Variants in GNG7 observed in about 807,000 individuals in gnomAD.
The protein encoded by GNG7 is G protein subunit gamma 7.
Under a neutral mutation model 4.0 loss-of-function variants are expected in GNG7, and 1 was observed. The ratio of observed to expected loss-of-function variants is 0.25; its 90% CI spans 0.09 to 1.18. The LOEUF (loss-of-function observed/expected upper bound fraction) is 1.18, where lower values mean the gene tolerates loss of function less well. GNG7 is among the 50% of genes most tolerant of loss of function. The pLI is 0.50. For synonymous variants in GNG7, 34 were observed against 36.9 expected (o/e 0.92, Z 0.29); for missense variants, 86 against 91.9 (o/e 0.94, Z 0.26).
chr19:2,665,060 T>C (rs564413382), intron 1 of GNG7, among the ~76,000 whole-genome samples: 2 of 151,518 alleles, frequency 1.3e-5, no homozygotes, highest in South Asian at 4.2e-4. Flanking sequence ...ACACCTTTAG[T>C]TGGGGGGAGG....
At chr19:2,558,273 G>C (rs893824489) in intron 2 of GNG7, among the ~76,000 whole-genome samples, 7 of 149,604 alleles carry the variant, frequency 4.7e-5, no homozygotes, top group African/African-American at 1.7e-4. Context: ...GATAGGGTCT[G>C]TTACCCAGGC....
intron 1 of GNG7, among the ~76,000 whole-genome samples, chr19:2,698,853 A>G (rs1177751384): frequency 6.6e-6 from 1 of 152,182 alleles, no homozygotes; most frequent in Non-Finnish European, 1.5e-5. Context: ...ATTTGTGTTT[A>G]GTTCTCTTTG....
intron 1 of GNG7, among the ~76,000 whole-genome samples, chr19:2,650,125 C>T (rs1471734728): frequency 6.6e-6 from 1 of 151,132 alleles, no homozygotes. Context: ...ACAATCGGCT[C>T]GTTCCTTCTT....
chr19:2,667,224 A>G (rs906303510), intron 1 of GNG7, among the ~76,000 whole-genome samples: 11 of 152,194 alleles, frequency 7.2e-5, no homozygotes, highest in Admixed American at 6.5e-5. Flanking sequence ...TGGGAGGCTG[A>G]GGCGGCAGAA....
rs1264642555 is a variant in GNG7, at chr19:2,570,350, G to T, written c.-77-15162C>A. Among the ~76,000 whole-genome samples, 4 of 152,244 alleles carry T rather than the reference G, an allele frequency of 2.6e-5. No individual in the cohort carries two copies. The East Asian group carries it at 5.8e-4, about 22-fold the overall frequency. On this transcript the variant is annotated intron_variant, in intron 2 of 4. Transcript: ENST00000382159. Reference sequence around the variant, plus strand: ...ACTTCTATGCTTTATAAACCCCTCAGCCTCAGCTCTATTCCTTTATAGCAA... The same window carrying T: ...ACTTCTATGCTTTATAAACCCCTCATCCTCAGCTCTATTCCTTTATAGCAA...
intron 3 of GNG7, among the ~76,000 whole-genome samples, chr19:2,525,990 A>G (rs1978383161): frequency 1.3e-4 from 1 of 7,566 alleles, no homozygotes; most frequent in Admixed American, 1.7e-3. Context: ...TTTTTTTTTG[A>G]GACAGAGTCT....
chr19:2,697,638 C>T lies in GNG7; in HGVS notation c.-135+5008G>A, dbSNP rs142056247. On this transcript the variant is annotated intron_variant, in intron 1 of 4. Coordinates refer to ENST00000382159, the MANE Select transcript of GNG7 (RefSeq NM_052847.3). ...GAGGCGCCCGACATCAACAAGGACG[C>T]AGAATTGCAGAAATCAGCCGTGAAA... Among the ~76,000 whole-genome samples the T allele has an allele frequency of 5.7e-4, 87 of 152,316 alleles. No individual in the cohort carries two copies. In the East Asian group the frequency reaches 0.013, roughly 23 times the overall value.
intron 2 of GNG7, among the ~76,000 whole-genome samples, chr19:2,602,913 C>CT (rs374584062): frequency 4.6e-3 from 244 of 53,058 alleles, no homozygotes; most frequent in African/African-American, 9.7e-3. Context: ...TTCTTTCTTT[C>CT]TTTCTTTCTT....
At chr19:2,663,344 CT>C (rs796106860) in intron 1 of GNG7, among the ~76,000 whole-genome samples, 13 of 148,684 alleles carry the variant, frequency 8.7e-5, no homozygotes, top group African/African-American at 3.4e-4. Flanking sequence ...TTCTCTCTCT[CT>C]CCCCCCCCTC....
chr19:2,581,057 G>A (rs1054004508), intron 2 of GNG7, among the ~76,000 whole-genome samples: 2 of 152,054 alleles, frequency 1.3e-5, no homozygotes, highest in African/African-American at 2.4e-5. Flanking sequence ...GGGCCACTGC[G>A]CCCGGCCTCT....
intron 2 of GNG7, among the ~76,000 whole-genome samples, chr19:2,575,781 G>A (rs1481560513): frequency 3.8e-4 from 33 of 87,122 alleles, no homozygotes; most frequent in African/African-American, 1.3e-3. Flanking sequence ...GCAGGCACAT[G>A]CAGACACGCA....
At chr19:2,564,051 A>G (rs111247764) in intron 2 of GNG7, among the ~76,000 whole-genome samples, 12 of 152,264 alleles carry the variant, frequency 7.9e-5, no homozygotes, top group Middle Eastern at 3.4e-3. Flanking sequence ...TCGTGTGTGT[A>G]AGGGCAGGCT....
intron 3 of GNG7, among the ~76,000 whole-genome samples, chr19:2,537,913 CA>C (rs770027511): frequency 6.6e-6 from 1 of 151,936 alleles, no homozygotes; most frequent in Non-Finnish European, 1.5e-5. Context: ...CCATCTCTAC[CA>C]AAAAATACAA....
At chr19:2,544,029 A>G (rs1979048072) in intron 3 of GNG7, among the ~76,000 whole-genome samples, 1 of 152,106 alleles carries the variant, frequency 6.6e-6, no homozygotes, top group Non-Finnish European at 1.5e-5. Flanking sequence ...GAAAAAGGAA[A>G]GAAAAATAAA....
rs182718376 is a variant in GNG7 at position 2,622,141 on chromosome 19, G to A, written c.-78+24083C>T. ...GTCACCCAGGCTGGAGTGCAGTGGC[G>A]AGATCTCGGCTCACTGCAAGCTCTG... On this transcript the variant is annotated intron_variant, in intron 2 of 4. Transcript: ENST00000382159. Among the ~76,000 whole-genome samples the A allele has an allele frequency of 4.2e-3, 637 of 151,712 alleles. 5 individuals are homozygous for A. The highest frequency in any genetic ancestry group is 0.015 in the African/African-American group (601 of 41,326).
At chr19:2,529,913 G>T (rs1340679466) in intron 3 of GNG7, among the ~76,000 whole-genome samples, 2 of 152,206 alleles carry the variant, frequency 1.3e-5, no homozygotes, top group African/African-American at 4.8e-5. Context: ...TCCTCAGCTG[G>T]AAGATGAGAG....
intron 2 of GNG7, among the ~76,000 whole-genome samples, chr19:2,568,272 C>CAT (rs540348092): frequency 4.1e-5 from 6 of 147,464 alleles, no homozygotes; most frequent in Admixed American, 6.9e-5. Flanking sequence ...TATAGAGACA[C>CAT]ATATAGACTT....
intron 2 of GNG7, among the ~76,000 whole-genome samples, chr19:2,575,652 C>T (rs1386608020): frequency 7.3e-4 from 104 of 142,764 alleles, no homozygotes; most frequent in African/African-American, 2.4e-3. Flanking sequence ...CACGCAGACA[C>T]GCAGGCACAC....
intron 2 of GNG7, among the ~76,000 whole-genome samples, chr19:2,561,769 T>C (rs1979748840): frequency 1.3e-5 from 2 of 150,226 alleles, no homozygotes; most frequent in Non-Finnish European, 3.0e-5. Flanking sequence ...TGATCCCAGC[T>C]ACTCGGGAGG....
Sources: gnomAD v4.1 joint callset for allele counts (sites outside exome capture counted in the v4.1 genomes callset) on GRCh38, gnomAD v4.1.1 for gene constraint, MANE v1.5 for transcripts, NCBI Gene and HGNC (gene_info 2026-07-23, HGNC 2026-07-21) for gene names.